The following KIF22 variants were observed in gnomAD, a reference collection of about 807,000 sequenced individuals.
The protein encoded by KIF22 is kinesin family member 22, also known as kinesin-like protein KIF22.
Under a neutral mutation model 73.0 loss-of-function variants are expected in KIF22, and 62 were observed. The observed-to-expected ratio is 0.85, with a 90% CI of 0.69 to 1.05. KIF22 has a LOEUF of 1.05. Among genes scored for constraint, KIF22 ranks in the 50% least tolerant of loss-of-function variants. KIF22 has a pLI of 0.00. For missense variants in KIF22, 854 were observed against 870.1 expected, an observed-to-expected ratio of 0.98 and a Z score of 0.23; for synonymous variants, 411 against 340.1, an observed-to-expected ratio of 1.21 and a Z score of -2.29.
At position 29,799,645 on chromosome 16, in the gene KIF22, A is replaced by G. The variant is rs763501502; in HGVS notation, c.1008A>G (p.Ser336=). 1 of 1,613,984 alleles carries G rather than the reference A, an allele frequency of 6.2e-7. No homozygotes were observed. Among genetic ancestry groups the G allele is most frequent in the East Asian group, 2.2e-5 (1 of 44,898 alleles). Residue 336 remains serine, a synonymous_variant, in exon 7 of 14, where the codon TCA becomes TCG. Coordinates refer to ENST00000160827, the MANE Select transcript of KIF22 (RefSeq NM_007317.3). ...TRLLQDSLGG[S]AHSILIANIA... Reference sequence around the variant, plus strand: ...ACCCTCAGGACTCTCTGGGTGGCTCAGCCCACAGTATCCTTATTGCCAACA... The same window carrying G: ...ACCCTCAGGACTCTCTGGGTGGCTCGGCCCACAGTATCCTTATTGCCAACA...
intron 1 of KIF22, among the ~76,000 whole-genome samples, chr16:29,793,937 T>C (rs1898887626): frequency 6.6e-6 from 1 of 152,142 alleles, no homozygotes; most frequent in Non-Finnish European, 1.5e-5. Context: ...AGGCTGAGTA[T>C]GCCTACTGGA....
chr16:29,799,241 G>A (rs776068017), intron 5 of KIF22, 23 bp from the exon 6 acceptor site: 29 of 1,611,654 alleles, frequency 1.8e-5, no homozygotes, highest in Middle Eastern at 1.6e-4. Context: ...AGCTAAGCAC[G>A]AGACCTTTGT....
chr16:29,800,094 TAGC>T, intron 8 of KIF22, 46 bp downstream of exon 8: 1 of 1,568,328 alleles, frequency 6.4e-7, no homozygotes, highest in Non-Finnish European at 8.6e-7. Flanking sequence ...ATGTATGGCT[TAGC>T]AGCAGAGCTG....
chr16:29,793,459 C>T (rs1898870653), intron 1 of KIF22, among the ~76,000 whole-genome samples: 2 of 152,198 alleles, frequency 1.3e-5, no homozygotes, highest in Admixed American at 1.3e-4. Context: ...TCAGGGCAGC[C>T]GTTCAGAACG....
rs764027212 is a variant in KIF22, at chr16:29,799,678, T to G, written c.1041T>G (p.Pro347=). 3.3e-5 allele frequency: 53 copies of G among 1,613,868 alleles called. No homozygotes were observed. The highest frequency in any genetic ancestry group is 4.2e-5 in the Non-Finnish European group (49 of 1,179,954). The change falls in exon 7 of 14, where the codon CCT becomes CCG. Residue 347 remains proline, a synonymous_variant. Coordinates refer to ENST00000160827, the MANE Select transcript of KIF22 (RefSeq NM_007317.3). ...GTATCCTTATTGCCAACATTGCCCC[T>G]GAGAGACGCTTCTACCTAGACACAG... ...AHSILIANIA[P]ERRFYLDTVS...
Position 29,798,377 on chromosome 16 carries a change from T to C in KIF22, c.270T>C (p.Phe90=). Residue 90 remains phenylalanine (F), a synonymous_variant, in exon 3 of 14, where the codon TTT becomes TTC. Coordinates refer to ENST00000160827, the MANE Select transcript of KIF22 (RefSeq NM_007317.3). The surrounding 1 kb of genome is among the most constrained non-coding windows in gnomAD (Gnocchi z 4.1). Reference sequence around the variant, plus strand: ...ATTTCTTTCTTTCTTCCTGCAGGTTTGATGCCTTCTATGGGGAGAGGAGTA... The same window carrying C: ...ATTTCTTTCTTTCTTCCTGCAGGTTCGATGCCTTCTATGGGGAGAGGAGTA... ...RNHQETLKYQ[F]DAFYGERSTQ... 1 of 1,553,292 alleles carries C rather than the reference T, an allele frequency of 6.4e-7. No homozygotes were observed. The highest frequency in any genetic ancestry group is 1.4e-5 in the African/African-American group (1 of 71,296).
intron 8 of KIF22, chr16:29,800,286 T>TA (rs1166906973): frequency 5.5e-6 from 2 of 360,640 alleles, no homozygotes; most frequent in African/African-American, 4.2e-5. Flanking sequence ...TGAAACCTCA[T>TA]CTCTACTAAA....
At chr16:29,792,932 G>C (rs1898855215) in intron 1 of KIF22, among the ~76,000 whole-genome samples, 1 of 152,202 alleles carries the variant, frequency 6.6e-6, no homozygotes, top group South Asian at 2.1e-4. Context: ...CATGACCTTG[G>C]GCAGAGGTAG....
rs577874205 is a variant in KIF22 at position 29,804,773 on chromosome 16, T to G, written c.1678-41T>G. On this transcript the variant is annotated intron_variant, in intron 11 of 13. Transcript: ENST00000160827. ...GTCTTGGCAGAGGAGCCCAAAGCAC[T>G]TGGCTGCCCTGCGTGTCACTCATCT... is the stretch of plus-strand genomic sequence containing the variant. 1.5e-5 allele frequency: 23 copies of G among 1,516,088 alleles called. No homozygotes were observed. In the African/African-American group the frequency reaches 2.1e-4, roughly 14 times the overall value. 93.9% of individuals were successfully genotyped at this position (1,516,088 alleles called of 1,614,324 possible).
chr16:29,803,596 C>T lies in KIF22; in HGVS notation c.1597C>T (p.Pro533Ser). The T allele has an allele frequency of 6.2e-7, 1 of 1,607,814 alleles. No individual in the cohort carries two copies. The highest frequency in any genetic ancestry group is 8.5e-7 in the Non-Finnish European group (1 of 1,177,212). The stretch of plus-strand genomic sequence containing the variant: ...GCCCCTGAAAAAGGCTGTGGTGATG[C>T]CCCTACAGCTAAGTAAGTTTGACTC... ...AKPLKKAVVMPLQLIQEQAAS... is the reference protein window; with the variant it reads ...AKPLKKAVVMSLQLIQEQAAS... The change falls in exon 10 of 14, where the codon CCC (proline) becomes TCC (serine). Residue 533 changes from proline to serine, a missense_variant. Physicochemically the swap from Pro to Ser is moderately conservative, Grantham distance 74. This residue lies in a region of KIF22 where 423 missense variants were observed against 365.4 expected (regional missense o/e 1.16). Transcript: ENST00000160827.
At chr16:29,792,699 T>C (rs1249354007) in intron 1 of KIF22, among the ~76,000 whole-genome samples, 5 of 152,178 alleles carry the variant, frequency 3.3e-5, no homozygotes, top group Non-Finnish European at 5.9e-5. Context: ...TTAAAATGTG[T>C]TTACCTTAGT....
In KIF22 at chr16:29,805,216, C is replaced by T. The variant is rs773425866; in HGVS notation, c.1950+42C>T. Reference sequence around the variant, plus strand: ...GCCCCTCCTCTGCCTGTCCTGCGCCCCGCGCCCCTCTCTAACGTCGCTGTC... The same window carrying T: ...GCCCCTCCTCTGCCTGTCCTGCGCCTCGCGCCCCTCTCTAACGTCGCTGTC... On this transcript the variant is annotated intron_variant, in intron 13 of 13. Coordinates refer to ENST00000160827, the MANE Select transcript of KIF22 (RefSeq NM_007317.3). 3.1e-6 allele frequency: 5 copies of T among 1,613,966 alleles called. No individual in the cohort carries two copies. In the African/African-American group the frequency reaches 6.7e-5, roughly 22 times the overall value.
chr16:29,801,198 C>T (rs921108361), intron 8 of KIF22, among the ~76,000 whole-genome samples: 5 of 152,176 alleles, frequency 3.3e-5, no homozygotes, highest in Non-Finnish European at 5.9e-5. Context: ...CTCCAATCAC[C>T]CCACCTCATG....
rs1001746297 is a variant in KIF22, at chr16:29,799,407, G to T, written c.903G>T (p.Leu301=). 7.4e-6 allele frequency: 12 copies of T among 1,614,108 alleles called. No individual in the cohort carries two copies. The highest frequency in any genetic ancestry group is 1.0e-5 in the Non-Finnish European group (12 of 1,180,052). Residue 301 remains leucine (L), a synonymous_variant, in exon 6 of 14, where the codon CTG becomes CTT. Coordinates refer to ENST00000160827, the MANE Select transcript of KIF22 (RefSeq NM_007317.3). ...AGAGTGGAGCCATCAACACCTCCCT[G>T]TTTGTCCTGGGCAAAGTGGTAGATG... The part of the protein sequence containing the change: ...LKESGAINTS[L]FVLGKVVDAL...
At chr16:29,803,629 T>TG in intron 10 of KIF22, 21 bp downstream of exon 10, 6 of 1,588,322 alleles carry the variant, frequency 3.8e-6, no homozygotes, top group East Asian at 2.2e-5. Flanking sequence ...CTCCAGGGGC[T>TG]GGGGGGCCAA....
At chr16:29,793,733 G>A (rs546547154) in intron 1 of KIF22, among the ~76,000 whole-genome samples, 69 of 152,166 alleles carry the variant, frequency 4.5e-4, no homozygotes, top group Non-Finnish European at 8.7e-4. Context: ...GCCCCACAAC[G>A]GAATTAGCCA....
chr16:29,800,572 C>T (rs1899102442), intron 8 of KIF22, among the ~76,000 whole-genome samples: 2 of 152,136 alleles, frequency 1.3e-5, no homozygotes, highest in Admixed American at 6.5e-5. Context: ...CAAGACCAGC[C>T]TGGCCAACAT....
At chr16:29,796,486 A>C (rs1596844877) in intron 1 of KIF22, among the ~76,000 whole-genome samples, 1 of 151,502 alleles carries the variant, frequency 6.6e-6, no homozygotes, top group African/African-American at 2.4e-5. Flanking sequence ...AGGTAGGAGG[A>C]TCGCTGGAGC....
intron 8 of KIF22, 136 bp downstream of exon 8, chr16:29,800,184 G>T: frequency 9.3e-7 from 1 of 1,074,580 alleles, no homozygotes. Flanking sequence ...GCCGGATGCG[G>T]TGGCTCACTC....
Sources: allele counts gnomAD v4.1 joint callset (sites outside exome capture counted in the v4.1 genomes callset), GRCh38; gene constraint gnomAD v4.1.1; regional missense constraint gnomAD v4.1.1; non-coding constraint Gnocchi (gnomAD v3.1); transcripts MANE v1.5; gene names NCBI Gene and HGNC (gene_info 2026-07-23, HGNC 2026-07-21).